ARHGAP32: variants seen among roughly 807,000 people sequenced by gnomAD.
The protein encoded by ARHGAP32 is rho GTPase-activating protein 32.
ARHGAP32 carries 51 observed loss-of-function variants against 186.5 expected under a neutral mutation model. The observed-to-expected ratio is 0.27, with a 90% CI of 0.22 to 0.35. The LOEUF (loss-of-function observed/expected upper bound fraction) is 0.35, where lower values mean the gene tolerates loss of function less well. Among genes scored for constraint, ARHGAP32 ranks in the 10% least tolerant of loss-of-function variants. ARHGAP32 has a pLI of 1.00. For synonymous variants in ARHGAP32, 950 were observed against 964.3 expected (o/e 0.99, Z 0.27); for missense variants, 2,186 against 2,623.5 (o/e 0.83, Z 3.64).
At chr11:129,084,935 T>C (rs1256726695) in intron 6 of ARHGAP32, among the ~76,000 whole-genome samples, 3 of 152,022 alleles carry the variant, frequency 2.0e-5, no homozygotes, top group African/African-American at 7.2e-5. Context: ...AAATGATTTA[T>C]AGCAAGGCTG....
intron 11 of ARHGAP32, among the ~76,000 whole-genome samples, chr11:129,025,513 A>T (rs896723422): frequency 6.6e-5 from 10 of 152,204 alleles, no homozygotes; most frequent in Middle Eastern, 3.2e-3. Context: ...ATAGGAAACA[A>T]GGCTCTTAAA....
chr11:129,193,554 A>ATATATAT (rs1944316651), upstream of ARHGAP32, among the ~76,000 whole-genome samples: 3 of 12,492 alleles, frequency 2.4e-4, 1 homozygote, highest in African/African-American at 5.5e-4. Flanking sequence ...TATATAATAT[A>ATATATAT]TATATATTAT....
intron 11 of ARHGAP32, among the ~76,000 whole-genome samples, chr11:129,019,437 CAAGTCTCT>C (rs2134881255): frequency 6.6e-6 from 1 of 152,186 alleles, no homozygotes; most frequent in Admixed American, 6.5e-5. Context: ...AAAATATAAA[CAAGTCTCT>C]AATCATCCGA....
intron 10 of ARHGAP32, among the ~76,000 whole-genome samples, chr11:129,049,769 T>C (rs1214770514): frequency 6.6e-6 from 1 of 152,248 alleles, no homozygotes; most frequent in Non-Finnish European, 1.5e-5. Context: ...ATTTGTCTAT[T>C]AATCTGCTGT....
At chr11:129,076,975 A>G (rs990238250) in intron 6 of ARHGAP32, among the ~76,000 whole-genome samples, 5 of 152,252 alleles carry the variant, frequency 3.3e-5, no homozygotes, top group African/African-American at 1.2e-4. Flanking sequence ...CTGAACACTC[A>G]TCCTCACTGG....
intron 2 of ARHGAP32, among the ~76,000 whole-genome samples, chr11:129,153,487 C>G (rs1358320324): frequency 6.6e-6 from 1 of 152,052 alleles, no homozygotes; most frequent in Non-Finnish European, 1.5e-5. Context: ...TCAAACTATA[C>G]TACAAGGTTA....
At chr11:129,178,149 C>T (rs371960595) in intron 1 of ARHGAP32, among the ~76,000 whole-genome samples, 2,920 of 151,664 alleles carry the variant, frequency 0.019, 48 homozygotes, top group African/African-American at 0.041. Flanking sequence ...ACACCAACAA[C>T]AGACAAACAG....
chr11:129,196,243 G>T (rs2135567680), upstream of ARHGAP32, among the ~76,000 whole-genome samples: 1 of 152,268 alleles, frequency 6.6e-6, no homozygotes, highest in South Asian at 2.1e-4. Context: ...CAGCAACAGA[G>T]TTGGCCCACA....
intron 2 of ARHGAP32, among the ~76,000 whole-genome samples, chr11:129,158,158 C>T (rs547756899): frequency 6.6e-6 from 1 of 152,240 alleles, no homozygotes; most frequent in South Asian, 2.1e-4. Context: ...TATGAATAAA[C>T]TGCATCAACT....
chr11:129,263,148 A>G (rs1945346898), intron 1 of ARHGAP32, among the ~76,000 whole-genome samples: 1 of 152,218 alleles, frequency 6.6e-6, no homozygotes, highest in African/African-American at 2.4e-5. Flanking sequence ...AGAAGAAAAC[A>G]TAGGAGGGAA....
At chr11:129,230,189 T>G (rs550162280) in intron 1 of ARHGAP32, among the ~76,000 whole-genome samples, 1 of 150,664 alleles carries the variant, frequency 6.6e-6, no homozygotes, top group East Asian at 2.0e-4. Context: ...GTGGCACTCT[T>G]GTAAAAGAAA....
At chr11:129,037,518 A>ACCT (rs1344789574) in intron 11 of ARHGAP32, among the ~76,000 whole-genome samples, 5 of 151,950 alleles carry the variant, frequency 3.3e-5, no homozygotes, top group Non-Finnish European at 4.4e-5. Context: ...AAAAATACAA[A>ACCT]AGAATATCTA....
At chr11:129,066,944 T>C (rs1050362786) in intron 6 of ARHGAP32, 76 bp from the exon 7 acceptor site, 4 of 1,219,724 alleles carry the variant, frequency 3.3e-6, no homozygotes, top group African/African-American at 1.5e-5. Flanking sequence ...TATTCTATAA[T>C]GTGATTTTAT....
At chr11:129,227,730 C>G (rs955514429) in intron 1 of ARHGAP32, among the ~76,000 whole-genome samples, 2 of 152,058 alleles carry the variant, frequency 1.3e-5, no homozygotes, top group Non-Finnish European at 2.9e-5. Context: ...CAACAACAGA[C>G]ACCCAAAATA....
At chr11:129,099,237 T>C (rs1288032016) in intron 5 of ARHGAP32, among the ~76,000 whole-genome samples, 1 of 152,176 alleles carries the variant, frequency 6.6e-6, no homozygotes, top group African/African-American at 2.4e-5. Context: ...TTTTGGTCAA[T>C]GACAAACTGC....
Position 128,980,591 on chromosome 11 carries a change from C to G in ARHGAP32, c.1938G>C (p.Gln646His). 1 of 1,613,266 alleles carries G rather than the reference C, an allele frequency of 6.2e-7. No individual in the cohort carries two copies. The highest frequency in any genetic ancestry group is 8.5e-7 in the Non-Finnish European group (1 of 1,179,710). Reference protein sequence around the residue: ...IEVGEGPAALQGKFHTIIEFP... With the variant: ...IEVGEGPAALHGKFHTIIEFP... ...ACTCAATTATGGTATGAAATTTCCC[C>G]TGAAGTGCAGCAGGTCCTTCTCCTA... Residue 646 changes from glutamine (Q) to histidine (H), a missense_variant, in exon 18 of 23, where the codon CAG (glutamine) becomes CAC (histidine). Transcript: ENST00000682385.
Position 128,972,892 on chromosome 11 carries a change from C to T in ARHGAP32, c.3614G>A (p.Ser1205Asn), listed in dbSNP as rs1945429313. The T allele has an allele frequency of 5.6e-6, 9 of 1,613,890 alleles. No individual in the cohort carries two copies. The highest frequency in any genetic ancestry group is 2.2e-5 in the South Asian group (2 of 91,078). The change falls in exon 22 of 23, where the codon AGT (serine) becomes AAT (asparagine). Residue 1205 changes from serine (S) to asparagine (N), a missense_variant. By Grantham distance (46) the Ser-to-Asn change is conservative (BLOSUM62 1). This residue lies in a region of ARHGAP32 where 1,502 missense variants were observed against 1,570.0 expected (regional missense o/e 0.96). Coordinates refer to ENST00000682385, the MANE Select transcript of ARHGAP32 (RefSeq NM_001378024.1). ...ATCCAAGAAGGAGACAGTTGGCATA[C>T]TGTTCTTCCCAGACTGGTCTTCAGG... is the stretch of plus-strand genomic sequence containing the variant. The part of the protein sequence containing the change: ...SFPEDQSGKN[S>N]MPTVSFLDQD...
intron 2 of ARHGAP32, among the ~76,000 whole-genome samples, chr11:129,156,479 G>T (rs974497065): frequency 6.6e-6 from 1 of 152,186 alleles, no homozygotes; most frequent in Non-Finnish European, 1.5e-5. Flanking sequence ...CCCCTGGGAA[G>T]TTGGGACAGT....
At chr11:129,075,698 C>T (rs1181592231) in intron 6 of ARHGAP32, among the ~76,000 whole-genome samples, 3 of 152,150 alleles carry the variant, frequency 2.0e-5, no homozygotes, top group Admixed American at 2.0e-4. Flanking sequence ...ACGGATTACA[C>T]ATGCTTCTGA....
Sources: allele counts gnomAD v4.1 joint callset (sites outside exome capture counted in the v4.1 genomes callset), GRCh38; gene constraint gnomAD v4.1.1; regional missense constraint gnomAD v4.1.1; transcripts MANE v1.5; gene names NCBI Gene and HGNC (gene_info 2026-07-23, HGNC 2026-07-21).